The following PHACTR1 variants were observed in gnomAD, a reference collection of about 807,000 sequenced individuals.
PHACTR1 encodes phosphatase and actin regulator 1.
A neutral mutation model predicts 69.2 loss-of-function variants in PHACTR1; 16 were observed. The ratio of observed to expected loss-of-function variants is 0.23; its 90% confidence interval spans 0.16 to 0.35. The LOEUF is 0.35. Among genes scored for constraint, PHACTR1 ranks in the 10% least tolerant of loss-of-function variants. PHACTR1 has a pLI of 1.00. For missense variants in PHACTR1, 510 were observed against 734.7 expected, an observed-to-expected ratio of 0.69 and a Z score of 3.54; for synonymous variants, 312 against 284.5, an observed-to-expected ratio of 1.10 and a Z score of -0.97.
chr6:13,133,648 C>A (rs1361069028), intron 5 of PHACTR1, among the ~76,000 whole-genome samples: 1 of 152,120 alleles, frequency 6.6e-6, no homozygotes, highest in Non-Finnish European at 1.5e-5. Context: ...CTCGCTACAA[C>A]TTCCACCTCC....
At chr6:12,793,798 T>C (rs1772633714) in intron 4 of PHACTR1, among the ~76,000 whole-genome samples, 2 of 152,190 alleles carry the variant, frequency 1.3e-5, no homozygotes, top group African/African-American at 2.4e-5. Context: ...CTTTAATGAG[T>C]CATCAGATTT....
intron 5 of PHACTR1, among the ~76,000 whole-genome samples, chr6:13,093,435 A>G (rs1447145607): frequency 2.0e-5 from 3 of 152,228 alleles, no homozygotes; most frequent in Admixed American, 1.3e-4. Context: ...ATTAGAAACA[A>G]TCAGCCTCCC....
At chr6:13,005,848 C>T (rs1394816760) in intron 4 of PHACTR1, among the ~76,000 whole-genome samples, 1 of 152,158 alleles carries the variant, frequency 6.6e-6, no homozygotes, top group East Asian at 1.9e-4. Flanking sequence ...CTACAACTCC[C>T]TGCCCCACCC....
chr6:12,760,593 A>G (rs901236245), intron 4 of PHACTR1, among the ~76,000 whole-genome samples: 2 of 152,090 alleles, frequency 1.3e-5, no homozygotes, highest in Admixed American at 6.5e-5. Context: ...ATAGAACACA[A>G]CCTTCCAGTT....
intron 4 of PHACTR1, among the ~76,000 whole-genome samples, chr6:13,017,154 C>G (rs1483661134): frequency 1.4e-5 from 2 of 144,678 alleles, no homozygotes; most frequent in South Asian, 4.4e-4. Flanking sequence ...CCATTGCACT[C>G]CAGCCTGGGT....
At chr6:12,809,480 A>G (rs1330556880) in intron 4 of PHACTR1, among the ~76,000 whole-genome samples, 1 of 152,192 alleles carries the variant, frequency 6.6e-6, no homozygotes, top group Non-Finnish European at 1.5e-5. Context: ...CATTTATCCA[A>G]ACTGGCATGA....
chr6:13,141,047 A>C (rs779280509), intron 5 of PHACTR1, among the ~76,000 whole-genome samples: 3 of 152,232 alleles, frequency 2.0e-5, no homozygotes, highest in African/African-American at 7.2e-5. Context: ...AAGAGTTTCT[A>C]GTAACCCAAT....
chr6:13,130,262 C>G (rs190439309), intron 5 of PHACTR1, among the ~76,000 whole-genome samples: 142 of 151,660 alleles, frequency 9.4e-4, no homozygotes, highest in South Asian at 3.5e-3. Flanking sequence ...CAAACCAAAC[C>G]CAAATCCAGC....
rs575075179 is a variant in PHACTR1, at chr6:13,205,743, C to T, written c.665-72C>T. On this transcript the variant is annotated intron_variant, in intron 7 of 14. Transcript: ENST00000332995. ...TCATTGGCCACAGTCTCCAGGTGAG[C>T]GCATCTGGTGTTCTGAGTTTCTTCT... 121 of 1,396,746 alleles carry T rather than the reference C, an allele frequency of 8.7e-5. No homozygotes were observed. The African/African-American group carries it at 1.0e-3, about 12-fold the overall frequency. 86.5% of individuals were successfully genotyped at this position (1,396,746 alleles called of 1,614,324 possible).
At chr6:13,056,157 C>T (rs1260916216) in intron 5 of PHACTR1, among the ~76,000 whole-genome samples, 1 of 152,160 alleles carries the variant, frequency 6.6e-6, no homozygotes, top group East Asian at 1.9e-4. Flanking sequence ...CTTGCAATCG[C>T]AACATTTTGG....
At chr6:12,989,915 C>G (rs1796621861) in intron 4 of PHACTR1, among the ~76,000 whole-genome samples, 3 of 152,160 alleles carry the variant, frequency 2.0e-5, no homozygotes, top group African/African-American at 4.8e-5. Flanking sequence ...TAACTAGGAG[C>G]CCATACGTCT....
chr6:13,189,392 C>T (rs995974219), intron 7 of PHACTR1, among the ~76,000 whole-genome samples: 3 of 151,292 alleles, frequency 2.0e-5, no homozygotes, highest in African/African-American at 4.9e-5. Context: ...AAAATTCCCA[C>T]CCCCCCTTTT....
intron 6 of PHACTR1, among the ~76,000 whole-genome samples, chr6:13,180,222 T>C (rs11757278): frequency 0.27 from 40,862 of 152,088 alleles, 6,207 homozygotes; most frequent in East Asian, 0.61. Context: ...GTGATATGAT[T>C]AGTGTCTTAC....
intron 4 of PHACTR1, among the ~76,000 whole-genome samples, chr6:13,030,510 T>G (rs1294283082): frequency 6.6e-6 from 1 of 152,234 alleles, no homozygotes; most frequent in Non-Finnish European, 1.5e-5. Flanking sequence ...TCAGTGTACA[T>G]AAACGGTTTA....
intron 7 of PHACTR1, among the ~76,000 whole-genome samples, chr6:13,200,976 GA>G: frequency 6.6e-6 from 1 of 151,202 alleles, no homozygotes; most frequent in East Asian, 1.9e-4. Flanking sequence ...ATTAAAAAAA[GA>G]AAGAAATATA....
intron 4 of PHACTR1, among the ~76,000 whole-genome samples, chr6:12,805,779 T>A (rs1774254378): frequency 6.6e-6 from 1 of 152,054 alleles, no homozygotes; most frequent in South Asian, 2.1e-4. Context: ...TTTTGTATTT[T>A]TAGTAGGGAC....
intron 5 of PHACTR1, among the ~76,000 whole-genome samples, chr6:13,066,671 C>T (rs934161049): frequency 3.9e-5 from 6 of 152,108 alleles, no homozygotes; most frequent in African/African-American, 1.2e-4. Context: ...TTCTGCTGGT[C>T]TCTCTTGGGG....
intron 6 of PHACTR1, among the ~76,000 whole-genome samples, chr6:13,165,967 T>C (rs1205743027): frequency 2.0e-5 from 3 of 152,220 alleles, no homozygotes. Flanking sequence ...AATTCCAGGT[T>C]TCTACAACAG....
intron 5 of PHACTR1, among the ~76,000 whole-genome samples, chr6:13,055,947 G>T (rs1447098817): frequency 6.6e-6 from 1 of 152,170 alleles, no homozygotes; most frequent in African/African-American, 2.4e-5. Flanking sequence ...GACCTCTGTG[G>T]CCAGATTGAT....
Sources: gnomAD v4.1 joint callset for allele counts (sites outside exome capture counted in the v4.1 genomes callset) on GRCh38, gnomAD v4.1.1 for gene constraint, MANE v1.5 for transcripts, NCBI Gene and HGNC (gene_info 2026-07-23, HGNC 2026-07-21) for gene names.